Variants in INO80D observed in about 807,000 individuals in gnomAD.
The protein encoded by INO80D is INO80 complex subunit D.
In INO80D, 21 loss-of-function variants were observed where a neutral mutation model predicts 87.6. The observed-to-expected ratio is 0.24, with a 90% confidence interval of 0.17 to 0.35. INO80D has a LOEUF of 0.35. Among genes scored for constraint, INO80D ranks in the 10% least tolerant of loss-of-function variants. The pLI is 1.00. For missense variants in INO80D, 982 were observed against 1,280.7 expected (o/e 0.77, Z 3.56); for synonymous variants, 440 against 491.0 (o/e 0.90, Z 1.37).
intron 4 of INO80D, among the ~76,000 whole-genome samples, chr2:206,048,016 A>G (rs1689245919): frequency 6.6e-6 from 1 of 151,378 alleles, no homozygotes; most frequent in Admixed American, 6.6e-5. Context: ...GCGCCTGGCT[A>G]ATTTTTTTTT....
rs1687908371 is a variant in INO80D at position 206,001,556 on chromosome 2, C to A, written c.*2812G>T. ...TTAAAAGATACTAATTTTCATATTT[C>A]TGGAGTAAAAGCCACTTCATTCCTT... On this transcript the variant is annotated 3_prime_UTR_variant, in exon 11 of 11. Coordinates refer to ENST00000403263, the MANE Select transcript of INO80D (RefSeq NM_017759.5). 1.3e-5 allele frequency: 2 copies of A among 152,118 alleles called. No homozygotes were observed. Among genetic ancestry groups the A allele is most frequent in the Non-Finnish European group, 2.9e-5 (2 of 68,022 alleles). 9.4% of individuals were successfully genotyped at this position (152,118 alleles called of 1,614,324 possible).
Position 206,029,532 on chromosome 2 carries a change from C to T in INO80D, c.1074-1197G>A, listed in dbSNP as rs577487279. Among the ~76,000 whole-genome samples the T allele has an allele frequency of 3.9e-5, 6 of 152,312 alleles. No individual in the cohort carries two copies. In the East Asian group the frequency reaches 1.2e-3, roughly 29 times the overall value. ...TAAATACCACACATGACACCATGGA[C>T]TATATATTCTCTTACTAATCTTCTA... is the stretch of plus-strand genomic sequence containing the variant. On this transcript the variant is annotated intron_variant, in intron 5 of 10. Coordinates refer to ENST00000403263, the MANE Select transcript of INO80D (RefSeq NM_017759.5).
chr2:206,064,597 G>A lies in INO80D; in HGVS notation c.-123-1353C>T, dbSNP rs1043600466. Among the ~76,000 whole-genome samples, 6 of 152,114 alleles carry A rather than the reference G, an allele frequency of 3.9e-5. No homozygotes were observed. The East Asian group carries it at 9.6e-4, about 24-fold the overall frequency. On this transcript the variant is annotated intron_variant, in intron 1 of 10. Transcript: ENST00000403263. Reference sequence around the variant, plus strand: ...TGTCAGTTTTCTCATCTGTAAAACAGGGATAATAATAGTAGCTATGTTATC... The same window carrying A: ...TGTCAGTTTTCTCATCTGTAAAACAAGGATAATAATAGTAGCTATGTTATC...
In INO80D at chr2:206,000,957, G is replaced by A. The variant is rs1365399463; in HGVS notation, c.*3411C>T. Reference sequence around the variant, plus strand: ...AATTGCTCAGGAAGTCATTTATAAAGCAGTTATATCACACATGGTAGGTCA... The same window carrying A: ...AATTGCTCAGGAAGTCATTTATAAAACAGTTATATCACACATGGTAGGTCA... On this transcript the variant is annotated 3_prime_UTR_variant, in exon 11 of 11. Coordinates refer to ENST00000403263, the MANE Select transcript of INO80D (RefSeq NM_017759.5). 6.6e-6 allele frequency: 1 copy of A among 152,164 alleles called. No individual in the cohort carries two copies. The highest frequency in any genetic ancestry group is 2.4e-5 in the African/African-American group (1 of 41,440). 9.4% of individuals were successfully genotyped at this position (152,164 alleles called of 1,614,324 possible).
intron 1 of INO80D, chr2:206,084,509 C>G (rs575783077): frequency 6.6e-6 from 1 of 152,394 alleles, no homozygotes; most frequent in African/African-American, 2.4e-5. Context: ...TCCTCCCAAT[C>G]CCGGAGGCTT....
chr2:206,024,304 T>C (rs1229276891), intron 6 of INO80D, among the ~76,000 whole-genome samples: 2 of 152,164 alleles, frequency 1.3e-5, no homozygotes, highest in Admixed American at 6.6e-5. Context: ...AGGTATAAAA[T>C]TGTACAATGA....
intron 4 of INO80D, among the ~76,000 whole-genome samples, chr2:206,055,010 A>G (rs1689476742): frequency 6.6e-6 from 1 of 152,184 alleles, no homozygotes; most frequent in African/African-American, 2.4e-5. Context: ...GAGATACCAT[A>G]TCCTGACCCT....
intron 3 of INO80D, among the ~76,000 whole-genome samples, chr2:206,060,401 T>C (rs1379613621): frequency 6.6e-6 from 1 of 151,548 alleles, no homozygotes; most frequent in Non-Finnish European, 1.5e-5. Context: ...AGCGTGGTAG[T>C]GTGCACCTGT....
chr2:206,034,214 T>G (rs565813886), intron 5 of INO80D, among the ~76,000 whole-genome samples: 4 of 152,092 alleles, frequency 2.6e-5, no homozygotes, highest in Non-Finnish European at 5.9e-5. Flanking sequence ...TTCCACAAGA[T>G]AGAGAAAGAA....
rs1687838454 is a variant in INO80D, at chr2:205,997,977, C to T, written c.*6391G>A. The T allele has an allele frequency of 6.6e-6, 1 of 152,080 alleles. No homozygotes were observed. Among genetic ancestry groups the T allele is most frequent in the Non-Finnish European group, 1.5e-5 (1 of 67,988 alleles). 9.4% of individuals were successfully genotyped at this position (152,080 alleles called of 1,614,324 possible). On this transcript the variant is annotated 3_prime_UTR_variant, in exon 11 of 11. Coordinates refer to ENST00000403263, the MANE Select transcript of INO80D (RefSeq NM_017759.5). ...AAAAATACAGACATATACATGCACA[C>T]AAGTAATTTAGTTCTATTTTAAAGT...
intron 4 of INO80D, among the ~76,000 whole-genome samples, chr2:206,051,540 G>A (rs988313578): frequency 1.3e-5 from 2 of 151,920 alleles, no homozygotes; most frequent in African/African-American, 2.4e-5. Flanking sequence ...TCATATGAAC[G>A]AATACTCAAC....
In INO80D at chr2:206,085,599, C is replaced by G. The variant is rs979881826; in HGVS notation, c.-124+302G>C. 2.0e-5 allele frequency: 3 copies of G among 149,064 alleles called. No individual in the cohort carries two copies. The highest frequency in any genetic ancestry group is 4.5e-5 in the Non-Finnish European group (3 of 66,904). 9.2% of individuals were successfully genotyped at this position (149,064 alleles called of 1,614,324 possible). ...GAGGCCTACCGGCGCCCCCCCCTCC[C>G]GCCGCACACCCCCACCTGGCCCGCG... On this transcript the variant is annotated intron_variant, in intron 1 of 10. Coordinates refer to ENST00000403263, the MANE Select transcript of INO80D (RefSeq NM_017759.5). This position sits in a 1 kb window ranked among gnomAD's most constrained non-coding sequence, Gnocchi z 4.5.
At chr2:206,025,889 A>C (rs1688602867) in intron 6 of INO80D, among the ~76,000 whole-genome samples, 1 of 151,882 alleles carries the variant, frequency 6.6e-6, no homozygotes, top group Non-Finnish European at 1.5e-5. Context: ...CCTTAAAGTA[A>C]GATAATGTTT....
chr2:205,997,045 AG>A lies in INO80D; in HGVS notation c.*7322del, dbSNP rs1687821802. 6.6e-6 allele frequency: 1 copy of A among 152,162 alleles called. No individual in the cohort carries two copies. The highest frequency in any genetic ancestry group is 2.4e-5 in the African/African-American group (1 of 41,458). 9.4% of individuals were successfully genotyped at this position (152,162 alleles called of 1,614,324 possible). On this transcript the variant is annotated 3_prime_UTR_variant, in exon 11 of 11. Transcript: ENST00000403263. Reference sequence around the variant, plus strand: ...TAAGATGAAGTAAATGATGCTCAAGAGACAACTACAAATTCAGGTATATTAT... The same window carrying A: ...TAAGATGAAGTAAATGATGCTCAAGAACAACTACAAATTCAGGTATATTAT...
At chr2:206,076,937 T>G (rs573498380) in intron 1 of INO80D, among the ~76,000 whole-genome samples, 1 of 152,292 alleles carries the variant, frequency 6.6e-6, no homozygotes, top group African/African-American at 2.4e-5. Flanking sequence ...AATTAGGTAT[T>G]TCATGAACTG....
intron 8 of INO80D, among the ~76,000 whole-genome samples, chr2:206,011,485 A>C (rs536605359): frequency 2.0e-4 from 31 of 152,242 alleles, no homozygotes; most frequent in Admixed American, 1.6e-3. Context: ...AGGCTTTCCT[A>C]ATGCCAGCTG....
chr2:206,078,061 CAAAAAAAA>C (rs71410859), intron 1 of INO80D, among the ~76,000 whole-genome samples: 33 of 63,056 alleles, frequency 5.2e-4, no homozygotes, highest in African/African-American at 1.0e-3. Flanking sequence ...GCAATGTTTA[CAAAAAAAA>C]AAAAAAAAAA....
intron 5 of INO80D, among the ~76,000 whole-genome samples, chr2:206,039,292 G>A (rs569166190): frequency 2.0e-4 from 31 of 152,140 alleles, no homozygotes; most frequent in Admixed American, 4.6e-4. Flanking sequence ...ACCTACTCGG[G>A]AGGCTGAGGC....
rs761747335 is a variant in INO80D at position 206,007,446 on chromosome 2, GA to G, written c.1761-6del. On this transcript the variant is annotated splice_polypyrimidine_tract_variant and splice_region_variant and intron_variant, in intron 9 of 10. Transcript: ENST00000403263. ...AGCTCTGGCGTGGATGGGCTCCTGGGAAAGAGGACACTGTTGGTCCCATAAC... is the reference window on the plus strand; with the variant it reads ...AGCTCTGGCGTGGATGGGCTCCTGGGAAGAGGACACTGTTGGTCCCATAAC... 1.1e-5 allele frequency: 17 copies of G among 1,606,032 alleles called. No individual in the cohort carries two copies. In the South Asian group the frequency reaches 1.9e-4, roughly 18 times the overall value.
Sources: allele counts gnomAD v4.1 joint callset (sites outside exome capture counted in the v4.1 genomes callset), GRCh38; gene constraint gnomAD v4.1.1; non-coding constraint Gnocchi (gnomAD v3.1); transcripts MANE v1.5; gene names NCBI Gene and HGNC (gene_info 2026-07-23, HGNC 2026-07-21).